ZNF536: variants seen among roughly 807,000 people sequenced by gnomAD.
The protein encoded by ZNF536 is zinc finger protein 536.
In ZNF536, 13 loss-of-function variants were observed where a neutral mutation model predicts 84.5. That is an observed-to-expected ratio of 0.15 (90% confidence interval 0.10 to 0.24). The LOEUF (loss-of-function observed/expected upper bound fraction) is 0.24, where lower values mean the gene tolerates loss of function less well. Among genes scored for constraint, ZNF536 ranks in the 10% least tolerant of loss-of-function variants. The probability of loss-of-function intolerance (pLI) is 1.00; values close to 1 mark genes in which losing one functional copy is unlikely to be tolerated. For synonymous variants in ZNF536, 811 were observed against 742.5 expected (o/e 1.09, Z -1.50); for missense variants, 1,536 against 1,747.5 (o/e 0.88, Z 2.16).
intron 1 of ZNF536, among the ~76,000 whole-genome samples, chr19:30,246,232 G>A (rs962356585): frequency 2.0e-5 from 3 of 152,144 alleles, no homozygotes; most frequent in African/African-American, 4.8e-5. Flanking sequence ...GGGAGCTTAC[G>A]ATGCTTGTGC....
intron 2 of ZNF536, among the ~76,000 whole-genome samples, chr19:30,303,278 G>T (rs555934670): frequency 6.6e-6 from 1 of 152,260 alleles, no homozygotes; most frequent in African/African-American, 2.4e-5. Context: ...CGCCTTCCTT[G>T]TCACCCCACC....
intron 2 of ZNF536, among the ~76,000 whole-genome samples, chr19:30,318,962 CAAAT>C (rs2046769822): frequency 6.6e-6 from 1 of 152,156 alleles, no homozygotes; most frequent in Admixed American, 6.5e-5. Context: ...TTGGTTTTAA[CAAAT>C]AAACAAATGC....
At chr19:30,431,618 G>T (rs748012229) in intron 1 of ZNF536, among the ~76,000 whole-genome samples, 8 of 152,214 alleles carry the variant, frequency 5.3e-5, no homozygotes, top group Non-Finnish European at 1.2e-4. Context: ...TGAGGCCTCT[G>T]TGAAATGAAA....
chr19:30,635,324 A>G (rs1046395592), intron 1 of ZNF536, among the ~76,000 whole-genome samples: 1 of 152,230 alleles, frequency 6.6e-6, no homozygotes, highest in African/African-American at 2.4e-5. Flanking sequence ...TGACAGTCCA[A>G]TTCTGCTCTT....
chr19:30,643,462 T>G (rs2049339572), intron 1 of ZNF536, among the ~76,000 whole-genome samples: 1 of 152,238 alleles, frequency 6.6e-6, no homozygotes, highest in African/African-American at 2.4e-5. Context: ...TAAACTTTTA[T>G]ACCATTTATA....
intron 1 of ZNF536, among the ~76,000 whole-genome samples, chr19:30,650,539 A>G (rs2049661895): frequency 6.6e-6 from 1 of 152,202 alleles, no homozygotes; most frequent in South Asian, 2.1e-4. Context: ...AGAATCTCAT[A>G]TGTTAGCCGA....
chr19:30,667,570 C>A (rs1457976560), intron 1 of ZNF536, among the ~76,000 whole-genome samples: 1 of 148,700 alleles, frequency 6.7e-6, no homozygotes, highest in Non-Finnish European at 1.5e-5. Flanking sequence ...AGGGACTGAC[C>A]ATGACTGTGT....
intron 2 of ZNF536, among the ~76,000 whole-genome samples, chr19:30,304,284 C>T (rs921512240): frequency 5.3e-5 from 8 of 152,210 alleles, no homozygotes; most frequent in African/African-American, 1.4e-4. Context: ...ACGGCGCAGA[C>T]GAAGGCCAGT....
intron 2 of ZNF536, among the ~76,000 whole-genome samples, chr19:30,289,206 T>C (rs2045748811): frequency 6.6e-6 from 1 of 152,158 alleles, no homozygotes; most frequent in African/African-American, 2.4e-5. Context: ...GTGGTTTTTC[T>C]CCTCCACCCC....
At chr19:30,517,266 C>T (rs1032479838) in intron 2 of ZNF536, among the ~76,000 whole-genome samples, 2 of 152,148 alleles carry the variant, frequency 1.3e-5, no homozygotes, top group South Asian at 2.1e-4. Flanking sequence ...ATCATAATTA[C>T]GAGAATTAGT....
At chr19:30,242,886 T>C (rs2144898220) in intron 1 of ZNF536, among the ~76,000 whole-genome samples, 1 of 152,352 alleles carries the variant, frequency 6.6e-6, no homozygotes, top group Non-Finnish European at 1.5e-5. Context: ...CCTGGCTGTT[T>C]GGATACTGAA....
intron 3 of ZNF536, among the ~76,000 whole-genome samples, chr19:30,362,346 G>T: frequency 6.6e-6 from 1 of 152,202 alleles, no homozygotes; most frequent in African/African-American, 2.4e-5. Flanking sequence ...TTGTTGTAAA[G>T]GTAGTCAGCT....
intron 1 of ZNF536, among the ~76,000 whole-genome samples, chr19:30,405,627 T>C (rs1356748599): frequency 6.6e-6 from 1 of 152,154 alleles, no homozygotes; most frequent in Non-Finnish European, 1.5e-5. Context: ...ATACTGTTTA[T>C]GGGCGCAGTG....
chr19:30,263,329 C>T (rs183812234), intron 1 of ZNF536, among the ~76,000 whole-genome samples: 1 of 152,224 alleles, frequency 6.6e-6, no homozygotes, highest in Non-Finnish European at 1.5e-5. Flanking sequence ...TTCTGGAACC[C>T]GGAGCCCCTA....
At chr19:30,699,845 A>G (rs939167828) in intron 1 of ZNF536, among the ~76,000 whole-genome samples, 2 of 152,168 alleles carry the variant, frequency 1.3e-5, no homozygotes, top group Non-Finnish European at 1.5e-5. Flanking sequence ...TCCCCAAGTG[A>G]AGACCAGCCA....
chr19:30,226,940 G>A (rs983901345), upstream of ZNF536, among the ~76,000 whole-genome samples: 1 of 151,648 alleles, frequency 6.6e-6, no homozygotes, highest in African/African-American at 2.4e-5. This position sits in a 1 kb window ranked among gnomAD's most constrained non-coding sequence, Gnocchi z 4.6. Flanking sequence ...TTTCGAAGAT[G>A]AATTGAGGAA....
At chr19:30,563,916 A>G (rs914181616) in intron 1 of ZNF536, among the ~76,000 whole-genome samples, 1 of 152,158 alleles carries the variant, frequency 6.6e-6, no homozygotes, top group Admixed American at 6.5e-5. Context: ...CTCCAGATGG[A>G]CACACACAAT....
chr19:30,594,153 C>G (rs557347929), intron 1 of ZNF536, among the ~76,000 whole-genome samples: 4 of 152,352 alleles, frequency 2.6e-5, no homozygotes, highest in African/African-American at 9.6e-5. Flanking sequence ...AATAGGCGTT[C>G]AATCCTGGAG....
intron 2 of ZNF536, among the ~76,000 whole-genome samples, chr19:30,531,261 A>G (rs1348740301): frequency 6.6e-6 from 1 of 152,232 alleles, no homozygotes; most frequent in Non-Finnish European, 1.5e-5. Flanking sequence ...AAACAGATAC[A>G]GGCCATCACT....
Sources: allele counts gnomAD v4.1 joint callset (sites outside exome capture counted in the v4.1 genomes callset), GRCh38; gene constraint gnomAD v4.1.1; non-coding constraint Gnocchi (gnomAD v3.1); transcripts MANE v1.5; gene names NCBI Gene and HGNC (gene_info 2026-07-23, HGNC 2026-07-21).